Variants in UBXN2B observed in about 807,000 individuals in gnomAD.
UBXN2B encodes the protein UBX domain protein 2B.
Under a neutral mutation model 37.5 loss-of-function variants are expected in UBXN2B, and 19 were observed. That is an observed-to-expected ratio of 0.51 (90% CI 0.35 to 0.74). The LOEUF (loss-of-function observed/expected upper bound fraction) is 0.74, where lower values mean the gene tolerates loss of function less well. Ranked by LOEUF, UBXN2B falls within the 30% of genes least tolerant of loss-of-function variation. The pLI, the probability that UBXN2B is intolerant of heterozygous loss-of-function variation, is 0.01. For synonymous variants in UBXN2B, 145 were observed against 143.8 expected, an observed-to-expected ratio of 1.01 and a Z score of -0.06; for missense variants, 370 against 393.2, an observed-to-expected ratio of 0.94 and a Z score of 0.50.
chr8:58,449,441 A>C lies in UBXN2B; in HGVS notation c.*1890A>C, dbSNP rs1046269148. The C allele has an allele frequency of 6.6e-6, 1 of 152,166 alleles. No individual in the cohort carries two copies. The highest frequency in any genetic ancestry group is 1.5e-5 in the Non-Finnish European group (1 of 68,038). The allele number at this position is 152,166 out of a possible 1,614,324, so 9.4% of individuals were successfully genotyped here. A position where few individuals can be genotyped will look rare whatever the true frequency, so the allele number is the denominator to read the frequency against. On this transcript the variant is annotated 3_prime_UTR_variant, in exon 8 of 8. Coordinates refer to ENST00000399598, the MANE Select transcript of UBXN2B (RefSeq NM_001077619.2). Reference sequence around the variant, plus strand: ...CCAAAATCTTATCTGAGTCTCACCAACTCAAAAGTCTCAAATCTCACATTG... The same window carrying C: ...CCAAAATCTTATCTGAGTCTCACCACCTCAAAAGTCTCAAATCTCACATTG...
chr8:58,424,712 T>G, intron 2 of UBXN2B: 2 of 1,306,060 alleles, frequency 1.5e-6, no homozygotes, highest in Non-Finnish European at 2.2e-6. Flanking sequence ...TGATCTCCAC[T>G]CGTCTGGTCC....
At chr8:58,432,938 A>G (rs1374794306) in intron 3 of UBXN2B, among the ~76,000 whole-genome samples, 1 of 152,178 alleles carries the variant, frequency 6.6e-6, no homozygotes, top group Non-Finnish European at 1.5e-5. Flanking sequence ...GTTGAGAACC[A>G]CTGCTGTAAT....
rs1382246830 is a variant in UBXN2B at position 58,447,431 on chromosome 8, A to G, written c.876A>G (p.Glu292=). The change falls in exon 8 of 8, where the codon GAA becomes GAG. Residue 292 remains glutamate, a synonymous_variant. Transcript: ENST00000399598. ...ACTTTATTGTACAGTCTCGTCCTGAATTTGCGGCTCTTGACTTTATTCTTG... is the reference window on the plus strand; with the variant it reads ...ACTTTATTGTACAGTCTCGTCCTGAGTTTGCGGCTCTTGACTTTATTCTTG... ...VRNFIVQSRP[E]FAALDFILVT... 1 of 1,612,622 alleles carries G rather than the reference A, an allele frequency of 6.2e-7. No homozygotes were observed. Among genetic ancestry groups the G allele is most frequent in the Non-Finnish European group, 8.5e-7 (1 of 1,179,286 alleles).
In UBXN2B at chr8:58,448,091, T is replaced by G. The variant is rs1239061712; in HGVS notation, c.*540T>G. On this transcript the variant is annotated 3_prime_UTR_variant, in exon 8 of 8. Transcript: ENST00000399598. Reference sequence around the variant, plus strand: ...TACTGATTTAGATATATTACTAGTATCAGAAACTACAGTTTTGCCTTGTAT... The same window carrying G: ...TACTGATTTAGATATATTACTAGTAGCAGAAACTACAGTTTTGCCTTGTAT... 2 of 152,162 alleles carry G rather than the reference T, an allele frequency of 1.3e-5. No individual in the cohort carries two copies. Among genetic ancestry groups the G allele is most frequent in the Non-Finnish European group, 2.9e-5 (2 of 68,034 alleles). The allele number at this position is 152,162 out of a possible 1,614,324, so 9.4% of individuals were successfully genotyped here.
At chr8:58,437,103 A>T (rs1373658513) in intron 5 of UBXN2B, among the ~76,000 whole-genome samples, 2 of 152,150 alleles carry the variant, frequency 1.3e-5, no homozygotes, top group East Asian at 3.9e-4. Context: ...GAGACTTCTC[A>T]AGTGGTTGTG....
At position 58,445,898 on chromosome 8, in the gene UBXN2B, C is replaced by T. The variant is rs1009176646; in HGVS notation, c.672-9C>T. ...ACATTCAGATTTGTGTTTAATTCCTCTTTTTTAGCCTTACACCTGAAATAG... is the reference window on the plus strand; with the variant it reads ...ACATTCAGATTTGTGTTTAATTCCTTTTTTTTAGCCTTACACCTGAAATAG... On this transcript the variant is annotated splice_polypyrimidine_tract_variant and intron_variant, in intron 6 of 7. Transcript: ENST00000399598. The T allele has an allele frequency of 6.4e-7, 1 of 1,572,102 alleles. No individual in the cohort carries two copies. The highest frequency in any genetic ancestry group is 8.6e-7 in the Non-Finnish European group (1 of 1,162,736).
chr8:58,437,593 G>C (rs1163236006), intron 5 of UBXN2B, among the ~76,000 whole-genome samples: 1 of 152,066 alleles, frequency 6.6e-6, no homozygotes, highest in African/African-American at 2.4e-5. Flanking sequence ...AAAGTGCTGG[G>C]ATTACAGGCG....
Position 58,430,599 on chromosome 8 carries a change from A to G in UBXN2B, c.269A>G (p.Lys90Arg). 1 of 1,606,028 alleles carries G rather than the reference A, an allele frequency of 6.2e-7. No homozygotes were observed. The highest frequency in any genetic ancestry group is 8.5e-7 in the Non-Finnish European group (1 of 1,175,470). Residue 90 changes from lysine to arginine, a missense_variant, in exon 3 of 8, where the codon AAA (lysine) becomes AGA (arginine). Lys to Arg is a conservative substitution (Grantham distance 26, BLOSUM62 2). This residue lies in a region of UBXN2B where 197 missense variants were observed against 170.2 expected (regional missense o/e 1.16). Coordinates refer to ENST00000399598, the MANE Select transcript of UBXN2B (RefSeq NM_001077619.2). ...GGGAAAATTGTGAATGAACTTTTCA[A>G]AGAGGCAAGGGAACATGGGGCTGTC... ...STGKIVNELF[K>R]EAREHGAVPL...
chr8:58,424,589 C>T (rs1808023786), intron 2 of UBXN2B: 3 of 1,097,142 alleles, frequency 2.7e-6, no homozygotes, highest in Admixed American at 1.7e-5. Context: ...CAGATTTTCT[C>T]ATCTGAAACT....
chr8:58,425,510 T>G (rs1585602685), intron 2 of UBXN2B: 2 of 1,109,758 alleles, frequency 1.8e-6, no homozygotes, highest in Non-Finnish European at 2.8e-6. Context: ...ACAACCCTGG[T>G]ATGATCAAAG....
chr8:58,420,490 A>G (rs1807898287), intron 2 of UBXN2B, among the ~76,000 whole-genome samples: 1 of 152,218 alleles, frequency 6.6e-6, no homozygotes, highest in Non-Finnish European at 1.5e-5. Context: ...GACATCCTAA[A>G]ACATATTCCC....
intron 2 of UBXN2B, among the ~76,000 whole-genome samples, chr8:58,426,986 A>G (rs1448687395): frequency 1.3e-5 from 2 of 152,264 alleles, no homozygotes; most frequent in African/African-American, 4.8e-5. Context: ...AAATAGGAGT[A>G]ATACCATTGT....
chr8:58,435,539 G>A (rs1808389107), intron 5 of UBXN2B, among the ~76,000 whole-genome samples: 1 of 152,060 alleles, frequency 6.6e-6, no homozygotes, highest in Admixed American at 6.6e-5. Flanking sequence ...AGAATCACTG[G>A]GAAGAGCTGC....
At chr8:58,446,680 A>G (rs577508310) in intron 7 of UBXN2B, among the ~76,000 whole-genome samples, 14 of 148,046 alleles carry the variant, frequency 9.5e-5, no homozygotes, top group Non-Finnish European at 1.3e-4. Flanking sequence ...AGCACATTTC[A>G]TAGTTTTAGA....
intron 3 of UBXN2B, among the ~76,000 whole-genome samples, chr8:58,430,892 G>C (rs769948099): frequency 1.9e-4 from 29 of 152,046 alleles, no homozygotes; most frequent in Admixed American, 3.3e-4. Context: ...AAAATAATTA[G>C]TAGAGTCACA....
At position 58,450,854 on chromosome 8, in the gene UBXN2B, C is replaced by T. The variant is rs1808786408; in HGVS notation, c.*3303C>T. The T allele has an allele frequency of 6.6e-6, 1 of 152,204 alleles. No individual in the cohort carries two copies. 9.4% of individuals were successfully genotyped at this position (152,204 alleles called of 1,614,324 possible). ...TTTCACACTGGGAGTGCTACCAGAACTACCACAGGATGAAAGTGGTGAGCC... is the reference window on the plus strand; with the variant it reads ...TTTCACACTGGGAGTGCTACCAGAATTACCACAGGATGAAAGTGGTGAGCC... On this transcript the variant is annotated 3_prime_UTR_variant, in exon 8 of 8. Coordinates refer to ENST00000399598, the MANE Select transcript of UBXN2B (RefSeq NM_001077619.2).
At chr8:58,442,984 T>C (rs1387484307) in intron 6 of UBXN2B, among the ~76,000 whole-genome samples, 1 of 152,184 alleles carries the variant, frequency 6.6e-6, no homozygotes, top group Non-Finnish European at 1.5e-5. Flanking sequence ...TTACTTTATC[T>C]CAGCTCCTCA....
At chr8:58,415,162 TG>T (rs1288296500) in intron 1 of UBXN2B, among the ~76,000 whole-genome samples, 4 of 151,972 alleles carry the variant, frequency 2.6e-5, no homozygotes. Flanking sequence ...TGAATGTCAT[TG>T]GGGGTATTAC....
intron 4 of UBXN2B, among the ~76,000 whole-genome samples, chr8:58,433,611 TAA>T (rs34836809): frequency 3.5e-4 from 41 of 118,002 alleles, no homozygotes; most frequent in Non-Finnish European, 4.1e-4. Flanking sequence ...CCTATCTCTT[TAA>T]AAAAAAAAAA....
Sources: gnomAD v4.1 joint callset for allele counts (sites outside exome capture counted in the v4.1 genomes callset) on GRCh38, gnomAD v4.1.1 for gene constraint, gnomAD v4.1.1 regional missense constraint, MANE v1.5 for transcripts, NCBI Gene and HGNC (gene_info 2026-07-23, HGNC 2026-07-21) for gene names.